CDH13: variants seen among roughly 807,000 people sequenced by gnomAD.
The protein encoded by CDH13 is cadherin-13.
CDH13 carries 24 observed loss-of-function variants against 63.8 expected under a neutral mutation model. The observed-to-expected ratio is 0.38, with a 90% CI of 0.27 to 0.53. CDH13 has a LOEUF of 0.53. CDH13 is among the 20% of genes least tolerant of loss of function. CDH13 has a pLI of 0.85. For synonymous variants in CDH13, 503 were observed against 355.3 expected, an observed-to-expected ratio of 1.42 and a Z score of -4.67; for missense variants, 1,049 against 903.1, an observed-to-expected ratio of 1.16 and a Z score of -2.07.
At chr16:83,271,454 T>TAAAAAAAAAA (rs2088810570) in intron 5 of CDH13, among the ~76,000 whole-genome samples, 3 of 17,122 alleles carry the variant, frequency 1.8e-4, no homozygotes, top group Non-Finnish European at 3.7e-4. Flanking sequence ...AAAAAAAAAT[T>TAAAAAAAAAA]CATGGTTGCT....
chr16:83,593,331 C>A (rs1176525126), intron 7 of CDH13, among the ~76,000 whole-genome samples: 1 of 152,158 alleles, frequency 6.6e-6, no homozygotes, highest in African/African-American at 2.4e-5. Flanking sequence ...CTTCTTACAG[C>A]CTTCCTTGAC....
rs1904292543 is a variant in CDH13, at chr16:83,798,228, C to T, written c.*3198C>T. 1 of 152,144 alleles carries T rather than the reference C, an allele frequency of 6.6e-6. No homozygotes were observed. The allele number at this position is 152,144 out of a possible 1,614,324, so 9.4% of individuals were successfully genotyped here. Reference sequence around the variant, plus strand: ...TTTTACCCAAATAAATACACTGGGTCTTAATCTTAAGATGTGACAACTAAA... The same window carrying T: ...TTTTACCCAAATAAATACACTGGGTTTTAATCTTAAGATGTGACAACTAAA... On this transcript the variant is annotated 3_prime_UTR_variant, in exon 14 of 14. Transcript: ENST00000567109.
At chr16:83,519,737 G>C (rs577417898) in intron 7 of CDH13, among the ~76,000 whole-genome samples, 1 of 152,118 alleles carries the variant, frequency 6.6e-6, no homozygotes, top group South Asian at 2.1e-4. Flanking sequence ...TGCGGGGAGA[G>C]GAAAGAAAGG....
rs1354847325 is a variant in CDH13, at chr16:82,710,155, TTTTAAATTTATAAATTTAATTTATAA to T, written c.45+83019_45+83044del. 2.0e-5 allele frequency among the ~76,000 whole-genome samples: 3 copies of T among 147,538 alleles called. No homozygotes were observed. In the Admixed American group the frequency reaches 2.0e-4, roughly 10 times the overall value. ...TAATATATAGTTCTATATAAATATATTTTAAATTTATAAATTTAATTTATAAATTAAATTTATTATTTATATATTAC... is the reference window on the plus strand; with the variant it reads ...TAATATATAGTTCTATATAAATATATATTAAATTTATTATTTATATATTAC... On this transcript the variant is annotated intron_variant, in intron 1 of 13. Coordinates refer to ENST00000567109, the MANE Select transcript of CDH13 (RefSeq NM_001257.5).
chr16:82,939,670 C>T (rs1244871439), intron 2 of CDH13, among the ~76,000 whole-genome samples: 1 of 152,150 alleles, frequency 6.6e-6, no homozygotes, highest in Non-Finnish European at 1.5e-5. Context: ...TTGCTGTCTT[C>T]TCCAGAATGG....
chr16:83,411,833 A>G (rs1055754438), intron 6 of CDH13, among the ~76,000 whole-genome samples: 1 of 152,246 alleles, frequency 6.6e-6, no homozygotes, highest in Admixed American at 6.5e-5. Flanking sequence ...GTGTACTGGC[A>G]TCTGACTTCT....
At chr16:83,746,693 T>C (rs185556838) in intron 10 of CDH13, among the ~76,000 whole-genome samples, 1 of 152,294 alleles carries the variant, frequency 6.6e-6, no homozygotes, top group African/African-American at 2.4e-5. Flanking sequence ...CCCATGTCAC[T>C]TCATGGGGAT....
intron 1 of CDH13, among the ~76,000 whole-genome samples, chr16:82,747,984 A>G (rs1311092001): frequency 6.6e-6 from 1 of 152,212 alleles, no homozygotes; most frequent in Non-Finnish European, 1.5e-5. Flanking sequence ...CTTGGGCTCA[A>G]CTTGAGGAAG....
At chr16:83,091,642 T>G (rs570675793) in intron 3 of CDH13, among the ~76,000 whole-genome samples, 1 of 152,332 alleles carries the variant, frequency 6.6e-6, no homozygotes, top group Non-Finnish European at 1.5e-5. Context: ...AGCTTACAAT[T>G]TATATATTGT....
intron 1 of CDH13, among the ~76,000 whole-genome samples, chr16:82,830,156 A>G (rs1304341549): frequency 3.3e-5 from 5 of 152,230 alleles, no homozygotes; most frequent in Non-Finnish European, 5.9e-5. Context: ...TGGGATCCAT[A>G]GCCCATTCTG....
At chr16:82,709,965 T>A (rs1046519750) in intron 1 of CDH13, among the ~76,000 whole-genome samples, 1 of 152,030 alleles carries the variant, frequency 6.6e-6, no homozygotes, top group Non-Finnish European at 1.5e-5. Context: ...ACATAAGGGA[T>A]GTCCCAAAGT....
chr16:83,595,571 A>G (rs189887857), intron 7 of CDH13, among the ~76,000 whole-genome samples: 66 of 152,358 alleles, frequency 4.3e-4, no homozygotes, highest in African/African-American at 1.6e-3. Flanking sequence ...AGTCTAAAGC[A>G]GGTCACCAAA....
intron 6 of CDH13, among the ~76,000 whole-genome samples, chr16:83,387,613 A>G (rs2091700301): frequency 6.6e-6 from 1 of 152,240 alleles, no homozygotes; most frequent in Non-Finnish European, 1.5e-5. Flanking sequence ...AAGAGCTACA[A>G]AATTATCTTC....
At chr16:83,690,613 G>A (rs1186872509) in intron 10 of CDH13, among the ~76,000 whole-genome samples, 7 of 152,192 alleles carry the variant, frequency 4.6e-5, no homozygotes, top group Non-Finnish European at 8.8e-5. Flanking sequence ...AGGCAGAGCA[G>A]AGGACTGGAG....
At chr16:83,117,046 G>A (rs187393194) in intron 3 of CDH13, among the ~76,000 whole-genome samples, 57 of 152,326 alleles carry the variant, frequency 3.7e-4, no homozygotes, top group Non-Finnish European at 6.5e-4. Flanking sequence ...GTTATCTTAC[G>A]ACAGACCTGG....
At position 83,542,710 on chromosome 16, in the gene CDH13, A is replaced by G. The variant is rs886668284; in HGVS notation, c.960+56055A>G. Among the ~76,000 whole-genome samples the G allele has an allele frequency of 2.6e-5, 4 of 152,288 alleles. No homozygotes were observed. The South Asian group carries it at 8.3e-4, about 32-fold the overall frequency. On this transcript the variant is annotated intron_variant, in intron 7 of 13. Coordinates refer to ENST00000567109, the MANE Select transcript of CDH13 (RefSeq NM_001257.5). ...TTGGAGCTCTTTGGCTTGCAGAAGC[A>G]TCCACCACTCCAGTCCTCTGTCTTT... is the stretch of plus-strand genomic sequence containing the variant.
At chr16:83,753,857 A>G (rs1234193344) in intron 11 of CDH13, among the ~76,000 whole-genome samples, 2 of 152,076 alleles carry the variant, frequency 1.3e-5, no homozygotes, top group Non-Finnish European at 1.5e-5. Flanking sequence ...ATATAAAAAA[A>G]TCTTAATTGT....
intron 11 of CDH13, among the ~76,000 whole-genome samples, chr16:83,752,348 C>A (rs948272291): frequency 6.6e-6 from 1 of 152,142 alleles, no homozygotes; most frequent in African/African-American, 2.4e-5. Flanking sequence ...ACACTGTGTG[C>A]GTATATACCG....
At chr16:83,701,257 T>G (rs993529064) in intron 10 of CDH13, among the ~76,000 whole-genome samples, 1 of 152,148 alleles carries the variant, frequency 6.6e-6, no homozygotes, top group Admixed American at 6.5e-5. Context: ...TCAGGATGTT[T>G]AGGAACAGAA....
Sources: gnomAD v4.1 joint callset for allele counts (sites outside exome capture counted in the v4.1 genomes callset) on GRCh38, gnomAD v4.1.1 for gene constraint, MANE v1.5 for transcripts, NCBI Gene and HGNC (gene_info 2026-07-23, HGNC 2026-07-21) for gene names.